NPAS3: variants seen among roughly 807,000 people sequenced by gnomAD.
NPAS3 encodes the protein neuronal PAS domain-containing protein 3.
NPAS3 carries 14 observed loss-of-function variants against 73.1 expected under a neutral mutation model. The observed-to-expected ratio is 0.19, with a 90% CI of 0.13 to 0.30. The LOEUF (loss-of-function observed/expected upper bound fraction) is 0.30, where lower values mean the gene tolerates loss of function less well. Among genes scored for constraint, NPAS3 ranks in the 10% least tolerant of loss-of-function variants. The probability of loss-of-function intolerance (pLI) is 1.00; values close to 1 mark genes in which losing one functional copy is unlikely to be tolerated. For missense variants in NPAS3, 1,096 were observed against 1,250.0 expected, an observed-to-expected ratio of 0.88 and a Z score of 1.86; for synonymous variants, 620 against 541.5, an observed-to-expected ratio of 1.14 and a Z score of -2.01.
intron 1 of NPAS3, among the ~76,000 whole-genome samples, chr14:32,946,281 A>C (rs2036245543): frequency 6.6e-6 from 1 of 151,922 alleles, no homozygotes; most frequent in Non-Finnish European, 1.5e-5. Context: ...ACATGTTAAA[A>C]TGGGCCACAA....
exon 2 of NPAS3, chr14:33,055,965 C>T (rs184013307): frequency 1.3e-4 from 102 of 810,226 alleles, no homozygotes; most frequent in Middle Eastern, 8.8e-4. Flanking sequence ...ACAGATATGA[C>T]GGAATCTACT....
chr14:33,466,459 G>A (rs1172468585), intron 4 of NPAS3, among the ~76,000 whole-genome samples: 1 of 152,178 alleles, frequency 6.6e-6, no homozygotes, highest in Non-Finnish European at 1.5e-5. Context: ...TTAGATCACC[G>A]TTGTTCATCT....
chr14:33,229,603 C>T (rs925813542), intron 3 of NPAS3, among the ~76,000 whole-genome samples: 3 of 152,170 alleles, frequency 2.0e-5, no homozygotes, highest in Admixed American at 6.5e-5. Context: ...AGGGAGGGAA[C>T]AATTTTGCTT....
chr14:33,486,545 T>C (rs2051608408), intron 4 of NPAS3, among the ~76,000 whole-genome samples: 1 of 152,196 alleles, frequency 6.6e-6, no homozygotes, highest in Non-Finnish European at 1.5e-5. Flanking sequence ...AAACTCCTGT[T>C]AGCTATAACC....
intron 6 of NPAS3, among the ~76,000 whole-genome samples, chr14:33,734,067 CTCT>C (rs752380493): frequency 2.6e-5 from 4 of 152,078 alleles, no homozygotes; most frequent in African/African-American, 4.8e-5. Flanking sequence ...CCATTTTTTT[CTCT>C]TGTTAATAAC....
chr14:32,949,606 G>A (rs1371246772), intron 1 of NPAS3, among the ~76,000 whole-genome samples: 1 of 151,950 alleles, frequency 6.6e-6, no homozygotes, highest in African/African-American at 2.4e-5. Context: ...ACTGTGTACT[G>A]CATTAACTCT....
At chr14:33,091,330 T>C (rs1192508689) in intron 2 of NPAS3, among the ~76,000 whole-genome samples, 1 of 152,036 alleles carries the variant, frequency 6.6e-6, no homozygotes, top group Non-Finnish European at 1.5e-5. Context: ...CCCACAGAAA[T>C]ACAAACTACC....
At chr14:33,067,915 CTT>C (rs1186871813) in intron 2 of NPAS3, among the ~76,000 whole-genome samples, 3 of 152,204 alleles carry the variant, frequency 2.0e-5, no homozygotes, top group East Asian at 1.9e-4. Flanking sequence ...CTGCCTCTCT[CTT>C]GTCTCAAATA....
At chr14:33,095,909 T>TGATTCGCCC (rs1283057503) in intron 2 of NPAS3, among the ~76,000 whole-genome samples, 167 of 151,668 alleles carry the variant, frequency 1.1e-3, no homozygotes, top group African/African-American at 3.7e-3. Context: ...CCTGACCTCG[T>TGATTCGCCC]GATTCGCCCG....
chr14:33,114,017 C>A, intron 2 of NPAS3, among the ~76,000 whole-genome samples: 1 of 151,870 alleles, frequency 6.6e-6, no homozygotes, highest in African/African-American at 2.4e-5. Context: ...GGGATGAAGC[C>A]CACTTGATCA....
chr14:33,695,498 A>G (rs10149633), intron 6 of NPAS3, among the ~76,000 whole-genome samples: 27,914 of 152,154 alleles, frequency 0.18, 3,389 homozygotes, highest in African/African-American at 0.35. Context: ...TCAAAATCAG[A>G]CTTCACATTG....
chr14:33,043,051 C>T (rs2040396497), intron 1 of NPAS3, among the ~76,000 whole-genome samples: 1 of 152,156 alleles, frequency 6.6e-6, no homozygotes, highest in Non-Finnish European at 1.5e-5. Context: ...ATCTCCTCCA[C>T]TCAAATTTAT....
chr14:33,091,705 C>T (rs960139794), intron 2 of NPAS3, among the ~76,000 whole-genome samples: 3 of 152,050 alleles, frequency 2.0e-5, no homozygotes, highest in African/African-American at 4.8e-5. Context: ...TGATGAACGT[C>T]GATGCAAAAA....
intron 4 of NPAS3, among the ~76,000 whole-genome samples, chr14:33,425,328 T>A (rs74042083): frequency 6.6e-6 from 1 of 151,936 alleles, no homozygotes; most frequent in Non-Finnish European, 1.5e-5. Context: ...GAGGAAGATA[T>A]GGAGTTGAAA....
At chr14:32,972,653 CTT>C (rs1233811731) in intron 1 of NPAS3, among the ~76,000 whole-genome samples, 1 of 152,196 alleles carries the variant, frequency 6.6e-6, no homozygotes, top group East Asian at 1.9e-4. Context: ...TTATTAAAAT[CTT>C]TGCTTTGTCT....
chr14:33,186,176 G>A (rs925650779), intron 2 of NPAS3, among the ~76,000 whole-genome samples: 3 of 152,106 alleles, frequency 2.0e-5, no homozygotes, highest in Non-Finnish European at 4.4e-5. Context: ...AAGCATCCTT[G>A]ATTGAGGTGA....
intron 2 of NPAS3, among the ~76,000 whole-genome samples, chr14:33,102,925 G>C (rs2042618076): frequency 6.6e-6 from 1 of 152,128 alleles, no homozygotes; most frequent in Non-Finnish European, 1.5e-5. Context: ...TTAACACAAG[G>C]GTTTTTTTGC....
chr14:33,335,752 G>A (rs1384211270), intron 3 of NPAS3, among the ~76,000 whole-genome samples: 1 of 152,082 alleles, frequency 6.6e-6, no homozygotes, highest in African/African-American at 2.4e-5. Flanking sequence ...GCCCCTTATA[G>A]CATACTACAG....
intron 4 of NPAS3, among the ~76,000 whole-genome samples, chr14:33,518,768 C>T (rs1307357569): frequency 7.9e-6 from 1 of 125,952 alleles, no homozygotes; most frequent in African/African-American, 2.9e-5. Flanking sequence ...GGGGGCCTCT[C>T]TTTAGTGTTC....
Sources: gnomAD v4.1 joint callset for allele counts (sites outside exome capture counted in the v4.1 genomes callset) on GRCh38, gnomAD v4.1.1 for gene constraint, MANE v1.5 for transcripts, NCBI Gene and HGNC (gene_info 2026-07-23, HGNC 2026-07-21) for gene names.